The following PRCP variants were observed in gnomAD, a reference collection of about 807,000 sequenced individuals.
PRCP encodes the protein prolylcarboxypeptidase.
A neutral mutation model predicts 54.2 loss-of-function variants in PRCP; 46 were observed. The ratio of observed to expected loss-of-function variants is 0.85; its 90% CI spans 0.67 to 1.09. The LOEUF is 1.09. Ranked by LOEUF, PRCP falls within the 50% of genes least tolerant of loss-of-function variation. PRCP has a pLI of 0.00. For missense variants in PRCP, 613 were observed against 596.8 expected, an observed-to-expected ratio of 1.03 and a Z score of -0.28; for synonymous variants, 240 against 212.2, an observed-to-expected ratio of 1.13 and a Z score of -1.14.
At chr11:82,844,836 A>G (rs1023495090) in intron 6 of PRCP, among the ~76,000 whole-genome samples, 10 of 152,062 alleles carry the variant, frequency 6.6e-5, no homozygotes, top group Non-Finnish European at 1.3e-4. Context: ...TATTGCATGT[A>G]TTCAACTAAA....
chr11:82,868,909 G>A (rs938747095), intron 1 of PRCP, among the ~76,000 whole-genome samples: 1 of 151,910 alleles, frequency 6.6e-6, no homozygotes, highest in East Asian at 1.9e-4. Context: ...GGTGATACAC[G>A]CCTATAATCT....
chr11:82,835,639 TGAG>T, intron 8 of PRCP: 1 of 305,562 alleles, frequency 3.3e-6, no homozygotes, highest in Non-Finnish European at 6.4e-6. Context: ...CAGAACCAGC[TGAG>T]GACAACGATG....
intron 1 of PRCP, among the ~76,000 whole-genome samples, chr11:82,863,721 G>A (rs1293721847): frequency 6.6e-6 from 1 of 152,172 alleles, no homozygotes; most frequent in Non-Finnish European, 1.5e-5. Context: ...CTGATATAAA[G>A]TTCTTGCCAG....
At chr11:82,849,832 T>C (rs1858901947) in intron 5 of PRCP, 82 bp downstream of exon 5, 4 of 1,208,094 alleles carry the variant, frequency 3.3e-6, no homozygotes, top group Non-Finnish European at 4.3e-6. Flanking sequence ...ACAAAATGTT[T>C]ACTTAAAAAG....
chr11:82,850,041 C>T lies in PRCP; in HGVS notation c.624G>A (p.Gln208=), dbSNP rs145127979. Residue 208 remains glutamine, a synonymous_variant, in exon 5 of 9, where the codon CAG becomes CAA. Transcript: ENST00000313010. The part of the protein sequence containing the change: ...GALAASAPIW[Q]FEDLVPCGVF... ...CACCACAAGGTACTAAATCCTCAAACTGCCAGATAGGGGCAGAAGCTGCAA... is the reference window on the plus strand; with the variant it reads ...CACCACAAGGTACTAAATCCTCAAATTGCCAGATAGGGGCAGAAGCTGCAA... The T allele has an allele frequency of 3.4e-6, 5 of 1,452,122 alleles. No homozygotes were observed. In the African/African-American group the frequency reaches 5.7e-5, roughly 17 times the overall value. The allele number at this position is 1,452,122 out of a possible 1,614,324, so 90.0% of individuals were successfully genotyped here.
At chr11:82,832,580 G>A (rs1858415407) in intron 8 of PRCP, among the ~76,000 whole-genome samples, 1 of 152,164 alleles carries the variant, frequency 6.6e-6, no homozygotes, top group Non-Finnish European at 1.5e-5. Flanking sequence ...ATTTGTTTAA[G>A]TTCCTTGTAG....
At chr11:82,827,076 A>G (rs1254845481) in intron 8 of PRCP, 1 of 152,178 alleles carries the variant, frequency 6.6e-6, no homozygotes, top group African/African-American at 2.4e-5. Flanking sequence ...TTACTTATAG[A>G]ACATTTTTAT....
intron 1 of PRCP, among the ~76,000 whole-genome samples, chr11:82,886,390 T>C (rs769064332): frequency 1.3e-5 from 2 of 152,136 alleles, no homozygotes; most frequent in Non-Finnish European, 2.9e-5. Context: ...GCTCAAGTGA[T>C]CCTCCTGCCT....
chr11:82,862,228 C>T lies in PRCP; in HGVS notation c.169-2111G>A, dbSNP rs74829571. Among the ~76,000 whole-genome samples the T allele has an allele frequency of 1.7e-3, 266 of 152,168 alleles. 1 individual carries two copies. Among genetic ancestry groups the T allele is most frequent in the African/African-American group, 6.1e-3 (255 of 41,492 alleles). The stretch of plus-strand genomic sequence containing the variant: ...CTACATAAGAAAATGATTTCTTAAA[C>T]GGAATTTTAAATATATTTTTGAGAT... On this transcript the variant is annotated intron_variant, in intron 1 of 8. Transcript: ENST00000313010.
Position 82,823,697 on chromosome 11 carries a change from G to GTCTC in PRCP, c.*1205_*1208dup, listed in dbSNP as rs565598597. 2 of 151,858 alleles carry GTCTC rather than the reference G, an allele frequency of 1.3e-5. No homozygotes were observed. Among genetic ancestry groups the GTCTC allele is most frequent in the Non-Finnish European group, 2.9e-5 (2 of 67,936 alleles). 9.4% of individuals were successfully genotyped at this position (151,858 alleles called of 1,614,324 possible). On this transcript the variant is annotated 3_prime_UTR_variant, in exon 9 of 9. Coordinates refer to ENST00000313010, the MANE Select transcript of PRCP (RefSeq NM_005040.4). Reference sequence around the variant, plus strand: ...TCTTTCAACAGAGTAGAAACTGTTAGTCTCTCTCTCTCTGTCTCTCTGTGT... The same window carrying GTCTC: ...TCTTTCAACAGAGTAGAAACTGTTAGTCTCTCTCTCTCTCTCTGTCTCTCTGTGT...
Position 82,839,241 on chromosome 11 carries a change from G to GGGAAATTA in PRCP, c.1086+12_1086+19dup. 1 of 1,594,140 alleles carries GGGAAATTA rather than the reference G, an allele frequency of 6.3e-7. No homozygotes were observed. The highest frequency in any genetic ancestry group is 8.5e-7 in the Non-Finnish European group (1 of 1,170,818). Reference sequence around the variant, plus strand: ...GTCAGTGAAAAGTAAGTTCCACTTGGGGAAATTATACATATTTACCTGATA... The same window carrying GGGAAATTA: ...GTCAGTGAAAAGTAAGTTCCACTTGGGGAAATTAGGAAATTATACATATTTACCTGATA... On this transcript the variant is annotated intron_variant, in intron 7 of 8. Transcript: ENST00000313010.
intron 1 of PRCP, among the ~76,000 whole-genome samples, chr11:82,874,690 CAAAAAAAAAAA>C (rs36084037): frequency 1.5e-5 from 1 of 68,834 alleles, no homozygotes; most frequent in East Asian, 5.1e-4. Context: ...GACCCTGTCT[CAAAAAAAAAAA>C]AAAAAAAAGA....
At position 82,825,105 on chromosome 11, in the gene PRCP, G is replaced by A. The variant is rs375451546; in HGVS notation, c.1292C>T (p.Pro431Leu). The change falls in exon 9 of 9, where the codon CCC becomes CTC. Residue 431 changes from proline (P) to leucine (L), a missense_variant. Pro to Leu is a moderately conservative substitution (Grantham distance 98, BLOSUM62 -3). Coordinates refer to ENST00000313010, the MANE Select transcript of PRCP (RefSeq NM_005040.4). ...NIVFSNGELDPWSGGGVTKDI... is the reference protein window; with the variant it reads ...NIVFSNGELDLWSGGGVTKDI... ...CTTAGTTACTCCACCTCCTGACCAG[G>A]GGTCTAGTTCACCATTGCTGCAAGT... The A allele has an allele frequency of 4.3e-6, 7 of 1,613,506 alleles. No homozygotes were observed. In the African/African-American group the frequency reaches 5.3e-5, roughly 12 times the overall value.
chr11:82,874,676 G>A (rs1859558751), intron 1 of PRCP, among the ~76,000 whole-genome samples: 1 of 142,924 alleles, frequency 7.0e-6, no homozygotes, highest in African/African-American at 2.6e-5. Context: ...GGGCAACAAA[G>A]TGAGACCCTG....
upstream of PRCP, chr11:82,900,819 A>C (rs773139091): frequency 2.2e-6 from 1 of 462,980 alleles, no homozygotes; most frequent in South Asian, 1.5e-5. Context: ...TGGCCACCGC[A>C]ATTCCATTGC....
chr11:82,874,896 A>C (rs768676978), intron 1 of PRCP, among the ~76,000 whole-genome samples: 1 of 151,960 alleles, frequency 6.6e-6, no homozygotes, highest in Non-Finnish European at 1.5e-5. Flanking sequence ...TTCATGAAGC[A>C]TTCCTGCCTT....
At position 82,839,435 on chromosome 11, in the gene PRCP, T is replaced by C. The variant is rs532071011; in HGVS notation, c.922-10A>G. 3 of 1,603,132 alleles carry C rather than the reference T, an allele frequency of 1.9e-6. No individual in the cohort carries two copies. In the East Asian group the frequency reaches 6.7e-5, roughly 36 times the overall value. On this transcript the variant is annotated splice_polypyrimidine_tract_variant and intron_variant, in intron 6 of 8. Transcript: ENST00000313010. ...AATACTGGCACACTACCTGTCATTT[T>C]AGAAAGATAAATGGGGAAAGAGTCA... is the stretch of plus-strand genomic sequence containing the variant.
chr11:82,853,162 A>G lies in PRCP; in HGVS notation c.411+15T>C. ...AAGAAAAAGCTTGTAACTTTTAAGT[A>G]AAAAGTATCTTTACCTTGAATGAGT... On this transcript the variant is annotated intron_variant, in intron 3 of 8. Transcript: ENST00000313010. The G allele has an allele frequency of 1.3e-6, 2 of 1,550,134 alleles. No homozygotes were observed. The highest frequency in any genetic ancestry group is 1.8e-6 in the Non-Finnish European group (2 of 1,137,126).
intron 2 of PRCP, among the ~76,000 whole-genome samples, chr11:82,856,005 A>G (rs1859073969): frequency 6.6e-6 from 1 of 152,000 alleles, no homozygotes; most frequent in Non-Finnish European, 1.5e-5. Flanking sequence ...ACTACTGGGT[A>G]TATACCTAAA....
Sources: allele counts gnomAD v4.1 joint callset (sites outside exome capture counted in the v4.1 genomes callset), GRCh38; gene constraint gnomAD v4.1.1; transcripts MANE v1.5; gene names NCBI Gene and HGNC (gene_info 2026-07-23, HGNC 2026-07-21).